Variants in DISC1 observed in about 807,000 individuals in gnomAD.
DISC1 encodes disrupted in schizophrenia 1 protein.
A neutral mutation model predicts 84.5 loss-of-function variants in DISC1; 57 were observed. The observed-to-expected ratio is 0.67, with a 90% CI of 0.55 to 0.84. DISC1 has a LOEUF of 0.84. Among genes scored for constraint, DISC1 ranks in the 40% least tolerant of loss-of-function variants. DISC1 has a pLI of 0.00. For synonymous variants in DISC1, 411 were observed against 415.2 expected (o/e 0.99, Z 0.12); for missense variants, 1,000 against 1,057.8 (o/e 0.95, Z 0.76).
At chr1:231,789,770 A>G (rs576432519) in intron 6 of DISC1, among the ~76,000 whole-genome samples, 1 of 152,230 alleles carries the variant, frequency 6.6e-6, no homozygotes, top group South Asian at 2.1e-4. Context: ...TGCCCTTCTA[A>G]TTACGGCTGA....
At chr1:231,656,520 A>C (rs2061091760) in intron 1 of DISC1, among the ~76,000 whole-genome samples, 1 of 152,132 alleles carries the variant, frequency 6.6e-6, no homozygotes, top group Non-Finnish European at 1.5e-5. Context: ...AGTTATTGTG[A>C]TGCATCCAGA....
At chr1:231,881,358 G>A (rs1018084075) in intron 9 of DISC1, among the ~76,000 whole-genome samples, 2 of 152,320 alleles carry the variant, frequency 1.3e-5, no homozygotes, top group Admixed American at 6.5e-5. Flanking sequence ...CTCTAGGGAA[G>A]GATCTGTTCC....
intron 9 of DISC1, among the ~76,000 whole-genome samples, chr1:231,907,010 CTT>C (rs930943534): frequency 5.6e-4 from 84 of 149,266 alleles, no homozygotes; most frequent in Middle Eastern, 3.5e-3. Flanking sequence ...TTCTCTCTCT[CTT>C]TCTTTTTCTT....
intron 3 of DISC1, among the ~76,000 whole-genome samples, chr1:231,733,242 GTGGTGGTGA>G (rs1451575597): frequency 6.6e-6 from 1 of 151,432 alleles, no homozygotes; most frequent in East Asian, 1.9e-4. Context: ...GTAGGTAGGA[GTGGTGGTGA>G]TGGTAGAGGT....
chr1:231,913,598 A>G (rs2089418472), intron 9 of DISC1, among the ~76,000 whole-genome samples: 1 of 152,118 alleles, frequency 6.6e-6, no homozygotes, highest in African/African-American at 2.4e-5. Context: ...GCCTCTTTAC[A>G]AGTGTCTTGG....
intron 11 of DISC1, among the ~76,000 whole-genome samples, chr1:232,025,066 C>A (rs1022927094): frequency 2.6e-5 from 4 of 152,138 alleles, no homozygotes; most frequent in African/African-American, 9.7e-5. Flanking sequence ...CTTTACAAGT[C>A]TGTGGCCTTC....
intron 9 of DISC1, among the ~76,000 whole-genome samples, chr1:231,830,704 G>T (rs892113673): frequency 2.0e-5 from 3 of 152,192 alleles, no homozygotes; most frequent in Non-Finnish European, 4.4e-5. Flanking sequence ...TGAGACTGGG[G>T]CCTAATAAAA....
Position 231,680,398 on chromosome 1 carries a change from T to C in DISC1, c.68-13428T>C, listed in dbSNP as rs115453500. Among the ~76,000 whole-genome samples the C allele has an allele frequency of 4.7e-3, 707 of 151,826 alleles. 6 individuals carry two copies. Among genetic ancestry groups the C allele is most frequent in the African/African-American group, 0.016 (673 of 41,076 alleles). Reference sequence around the variant, plus strand: ...TCAGACCCAGGTAAGTTACAGGTCATGCTCAGCACCTGCCCCCGTGCATAT... The same window carrying C: ...TCAGACCCAGGTAAGTTACAGGTCACGCTCAGCACCTGCCCCCGTGCATAT... On this transcript the variant is annotated intron_variant, in intron 1 of 12. Coordinates refer to ENST00000439617, the MANE Select transcript of DISC1 (RefSeq NM_018662.3).
At chr1:232,032,774 T>C (rs200704992) in intron 12 of DISC1, among the ~76,000 whole-genome samples, 6 of 152,216 alleles carry the variant, frequency 3.9e-5, no homozygotes, top group Non-Finnish European at 8.8e-5. Flanking sequence ...AAATTGTCAA[T>C]AGTTTTGGAA....
chr1:231,991,482 T>A (rs549647586), intron 10 of DISC1, among the ~76,000 whole-genome samples: 34 of 152,304 alleles, frequency 2.2e-4, no homozygotes, highest in African/African-American at 7.5e-4. Flanking sequence ...CCTATAGTTC[T>A]CAAGACTCAA....
At chr1:232,028,846 A>G (rs532624213) in intron 12 of DISC1, among the ~76,000 whole-genome samples, 14 of 152,348 alleles carry the variant, frequency 9.2e-5, no homozygotes, top group Middle Eastern at 3.4e-3. Flanking sequence ...CAGTAACTCC[A>G]CAGTGGCTTA....
intron 12 of DISC1, among the ~76,000 whole-genome samples, chr1:232,027,154 A>G (rs1211555232): frequency 6.6e-6 from 1 of 152,206 alleles, no homozygotes; most frequent in Non-Finnish European, 1.5e-5. Context: ...GTGTAAATCC[A>G]GCTCTGTGTG....
chr1:231,769,032 T>G (rs2076365921), intron 5 of DISC1, among the ~76,000 whole-genome samples: 1 of 152,036 alleles, frequency 6.6e-6, no homozygotes, highest in Non-Finnish European at 1.5e-5. Flanking sequence ...GGGGGAGGAT[T>G]TGGGGAGGAA....
chr1:231,678,418 G>T (rs1294555463), intron 1 of DISC1, among the ~76,000 whole-genome samples: 1 of 152,198 alleles, frequency 6.6e-6, no homozygotes, highest in Non-Finnish European at 1.5e-5. Context: ...GCGGCCATAA[G>T]ATCATCTATA....
intron 9 of DISC1, chr1:231,819,388 C>G (rs918117091): frequency 5.8e-6 from 1 of 171,108 alleles, no homozygotes; most frequent in Non-Finnish European, 1.2e-5. Context: ...ATAAAATCAG[C>G]TAGCTGAAGT....
chr1:231,718,997 C>A (rs1490789397), intron 3 of DISC1, among the ~76,000 whole-genome samples: 5 of 152,110 alleles, frequency 3.3e-5, no homozygotes, highest in Non-Finnish European at 1.5e-5. Flanking sequence ...TGGTTCTGTG[C>A]ATCAATAGAC....
chr1:231,943,300 G>A (rs998625676), intron 9 of DISC1, among the ~76,000 whole-genome samples: 8 of 152,264 alleles, frequency 5.3e-5, no homozygotes, highest in Non-Finnish European at 1.0e-4. Context: ...GCCACATGGC[G>A]ATGCACCAGC....
intron 4 of DISC1, among the ~76,000 whole-genome samples, chr1:231,756,787 A>T (rs1216855634): frequency 6.6e-6 from 1 of 152,216 alleles, no homozygotes; most frequent in African/African-American, 2.4e-5. Flanking sequence ...AGGGGGTTAA[A>T]TTAGATCACT....
intron 3 of DISC1, among the ~76,000 whole-genome samples, chr1:231,719,175 G>A (rs1196616075): frequency 6.6e-6 from 1 of 152,124 alleles, no homozygotes; most frequent in African/African-American, 2.4e-5. Flanking sequence ...TGAGTGCTTG[G>A]TATATTCTCT....
Sources: allele counts gnomAD v4.1 joint callset (sites outside exome capture counted in the v4.1 genomes callset), GRCh38; gene constraint gnomAD v4.1.1; transcripts MANE v1.5; gene names NCBI Gene and HGNC (gene_info 2026-07-23, HGNC 2026-07-21).